Variants in KCND3 observed in about 807,000 individuals in gnomAD.
KCND3 encodes A-type voltage-gated potassium channel KCND3.
Under a neutral mutation model 51.1 loss-of-function variants are expected in KCND3, and 9 were observed. That is an observed-to-expected ratio of 0.18 (90% CI 0.11 to 0.31). The LOEUF is 0.31. Among genes scored for constraint, KCND3 ranks in the 10% least tolerant of loss-of-function variants. KCND3 has a pLI of 1.00. For synonymous variants in KCND3, 349 were observed against 368.0 expected (o/e 0.95, Z 0.59); for missense variants, 526 against 903.8 (o/e 0.58, Z 5.36).
At chr1:111,954,409 T>C (rs1001032811) in intron 2 of KCND3, among the ~76,000 whole-genome samples, 3 of 152,186 alleles carry the variant, frequency 2.0e-5, no homozygotes, top group African/African-American at 7.2e-5. Flanking sequence ...TTATGATTAT[T>C]AAACTGAACA....
At chr1:111,860,544 C>G (rs967386173) in intron 2 of KCND3, among the ~76,000 whole-genome samples, 1 of 152,184 alleles carries the variant, frequency 6.6e-6, no homozygotes, top group Non-Finnish European at 1.5e-5. Flanking sequence ...CCCACCCCCC[C>G]AACTTGGGAT....
intron 2 of KCND3, chr1:111,910,248 C>G (rs924696741): frequency 6.6e-6 from 1 of 152,194 alleles, no homozygotes; most frequent in Non-Finnish European, 1.5e-5. Flanking sequence ...TAACCCCACC[C>G]AAGGGCACGG....
intron 2 of KCND3, among the ~76,000 whole-genome samples, chr1:111,842,961 T>C (rs1322956511): frequency 3.3e-5 from 5 of 152,240 alleles, no homozygotes; most frequent in Admixed American, 6.5e-5. Flanking sequence ...ATGTTTATTT[T>C]TGGCATGGTT....
intron 2 of KCND3, among the ~76,000 whole-genome samples, chr1:111,957,946 G>C (rs988521273): frequency 6.6e-6 from 1 of 152,200 alleles, no homozygotes; most frequent in Non-Finnish European, 1.5e-5. Context: ...TAAAAAGAGG[G>C]GGGAAAGCAC....
intron 2 of KCND3, among the ~76,000 whole-genome samples, chr1:111,957,018 C>T (rs557949936): frequency 3.3e-5 from 5 of 152,108 alleles, no homozygotes; most frequent in African/African-American, 9.7e-5. Flanking sequence ...TAAGACAGAA[C>T]GAGAAGAAGG....
At chr1:111,930,676 G>A (rs902888449) in intron 2 of KCND3, among the ~76,000 whole-genome samples, 4 of 142,422 alleles carry the variant, frequency 2.8e-5, no homozygotes, top group African/African-American at 7.4e-5. Context: ...AAAAAAAAAA[G>A]GCATCTTGGC....
At chr1:111,832,090 A>G (rs988902752) in intron 2 of KCND3, among the ~76,000 whole-genome samples, 2 of 152,146 alleles carry the variant, frequency 1.3e-5, no homozygotes, top group Non-Finnish European at 2.9e-5. Context: ...CATTACCCAC[A>G]CCACAGGTCT....
chr1:111,794,218 T>G (rs552888313), intron 2 of KCND3, among the ~76,000 whole-genome samples: 2 of 152,256 alleles, frequency 1.3e-5, no homozygotes, highest in African/African-American at 4.8e-5. Flanking sequence ...GGCTTAGGGA[T>G]AATTAAACTT....
intron 2 of KCND3, among the ~76,000 whole-genome samples, chr1:111,975,566 C>A (rs961802333): frequency 8.5e-5 from 13 of 152,190 alleles, no homozygotes; most frequent in African/African-American, 2.9e-4. Context: ...TAGCTTCTCT[C>A]TTACAAGGTA....
At chr1:111,850,122 C>T (rs1667742712) in intron 2 of KCND3, among the ~76,000 whole-genome samples, 1 of 152,192 alleles carries the variant, frequency 6.6e-6, no homozygotes, top group Non-Finnish European at 1.5e-5. Flanking sequence ...GTCCTTTTCT[C>T]TGCAGAGCTG....
chr1:111,789,395 A>G (rs1411990988), intron 2 of KCND3, among the ~76,000 whole-genome samples: 1 of 152,216 alleles, frequency 6.6e-6, no homozygotes, highest in African/African-American at 2.4e-5. Flanking sequence ...CAGAGCTTAA[A>G]GTAGGAGACG....
intron 2 of KCND3, among the ~76,000 whole-genome samples, chr1:111,979,723 C>T (rs76078080): frequency 0.011 from 1,614 of 152,198 alleles, 12 homozygotes; most frequent in Non-Finnish European, 0.015. Flanking sequence ...GAATTTTTTC[C>T]AACCTTGCAG....
In KCND3 at chr1:111,912,828, G is replaced by A. The variant is rs1056293731; in HGVS notation, c.1106+68793C>T. On this transcript the variant is annotated intron_variant, in intron 2 of 7. Coordinates refer to ENST00000302127, the MANE Select transcript of KCND3 (RefSeq NM_001378969.1). ...TAAATATTTTTTATAACGGTACAACGTATTTGTGTTTTAAGCTATTACTGG... is the reference window on the plus strand; with the variant it reads ...TAAATATTTTTTATAACGGTACAACATATTTGTGTTTTAAGCTATTACTGG... 7.2e-5 allele frequency among the ~76,000 whole-genome samples: 11 copies of A among 152,216 alleles called. No homozygotes were observed. The South Asian group carries it at 8.3e-4, about 11-fold the overall frequency.
At chr1:111,841,860 A>T (rs1667334359) in intron 2 of KCND3, among the ~76,000 whole-genome samples, 1 of 152,082 alleles carries the variant, frequency 6.6e-6, no homozygotes, top group African/African-American at 2.4e-5. Context: ...TGTTTAGGAG[A>T]GAAGAAAGAA....
intron 2 of KCND3, among the ~76,000 whole-genome samples, chr1:111,924,335 T>C (rs1031645635): frequency 2.6e-5 from 4 of 152,236 alleles, no homozygotes; most frequent in African/African-American, 9.7e-5. Flanking sequence ...GCAATAAATA[T>C]GATGCTCAGG....
At chr1:111,849,148 G>A (rs528513560) in intron 2 of KCND3, among the ~76,000 whole-genome samples, 11 of 152,202 alleles carry the variant, frequency 7.2e-5, no homozygotes, top group African/African-American at 2.7e-4. Context: ...GACTGGTGGT[G>A]TATTGATTGG....
At chr1:111,938,572 A>G (rs1409365820) in intron 2 of KCND3, among the ~76,000 whole-genome samples, 1 of 152,150 alleles carries the variant, frequency 6.6e-6, no homozygotes, top group Non-Finnish European at 1.5e-5. Flanking sequence ...TGGGGATGCA[A>G]ATTTTATCTA....
At chr1:111,984,985 CTTAA>C (rs1014686125) in intron 1 of KCND3, among the ~76,000 whole-genome samples, 8 of 152,174 alleles carry the variant, frequency 5.3e-5, no homozygotes, top group Admixed American at 4.6e-4. Context: ...TTATATACAT[CTTAA>C]TTAATAGTAA....
chr1:111,929,844 G>A (rs1275150049), intron 2 of KCND3, among the ~76,000 whole-genome samples: 2 of 152,192 alleles, frequency 1.3e-5, no homozygotes, highest in Non-Finnish European at 2.9e-5. Context: ...TTATGAACGG[G>A]CCCCATCATG....
Sources: gnomAD v4.1 joint callset for allele counts (sites outside exome capture counted in the v4.1 genomes callset) on GRCh38, gnomAD v4.1.1 for gene constraint, MANE v1.5 for transcripts, NCBI Gene and HGNC (gene_info 2026-07-23, HGNC 2026-07-21) for gene names.